The following PROC variants were observed in gnomAD, a reference collection of about 807,000 sequenced individuals.
PROC encodes protein C, inactivator of coagulation factors Va and VIIIa, also known as vitamin K-dependent protein C.
In PROC, 22 loss-of-function variants were observed where a neutral mutation model predicts 36.3. The observed-to-expected ratio is 0.61, with a 90% confidence interval of 0.43 to 0.86. The LOEUF is 0.86. PROC is among the 40% of genes least tolerant of loss of function. The pLI is 0.00. For missense variants in PROC, 526 were observed against 629.7 expected (o/e 0.84, Z 1.76); for synonymous variants, 218 against 244.5 (o/e 0.89, Z 1.01).
At chr2:127,422,713 G>A (rs1201023265) in intron 3 of PROC, among the ~76,000 whole-genome samples, 2 of 152,008 alleles carry the variant, frequency 1.3e-5, no homozygotes, top group African/African-American at 4.8e-5. Flanking sequence ...TGGGATGGAG[G>A]CTGGGCGCGG....
Position 127,421,159 on chromosome 2 carries a change from T to A in PROC, c.71-124T>A, listed in dbSNP as rs1688066827. 13 of 975,946 alleles carry A rather than the reference T, an allele frequency of 1.3e-5. No individual in the cohort carries two copies. The South Asian group carries it at 1.9e-4, about 14-fold the overall frequency. The allele number at this position is 975,946 out of a possible 1,614,324, so 60.5% of individuals were successfully genotyped here. On this transcript the variant is annotated intron_variant, in intron 2 of 8. Transcript: ENST00000234071. Reference sequence around the variant, plus strand: ...AGCCATGACCTAGAATTAGAATGAGTCTTGAGGGGGCGGAGACAAGACCTT... The same window carrying A: ...AGCCATGACCTAGAATTAGAATGAGACTTGAGGGGGCGGAGACAAGACCTT...
intron 3 of PROC, among the ~76,000 whole-genome samples, chr2:127,422,069 C>T (rs1022683417): frequency 1.3e-5 from 2 of 152,194 alleles, no homozygotes; most frequent in African/African-American, 4.8e-5. Context: ...GCTTCAGCCA[C>T]TAGGACCTGA....
At position 127,418,447 on chromosome 2, in the gene PROC, A is replaced by G. The variant is rs865940459; in HGVS notation, c.-67A>G. On this transcript the variant is annotated 5_prime_UTR_variant, in exon 1 of 9. It removes an upstream start codon present in the reference 5' UTR. Transcript: ENST00000234071. The surrounding 1 kb of genome is among the most constrained non-coding windows in gnomAD (Gnocchi z 4.8). ...GGATTAACTCGAACTCCAGGCTGTC[A>G]TGGCGGCAGGACGGCGAACTTGCAG... The G allele has an allele frequency of 3.1e-6, 4 of 1,289,818 alleles. No individual in the cohort carries two copies. Among genetic ancestry groups the G allele is most frequent in the Middle Eastern group, 2.1e-4 (1 of 4,696 alleles). The allele number at this position is 1,289,818 out of a possible 1,614,324, so 79.9% of individuals were successfully genotyped here.
At position 127,426,264 on chromosome 2, in the gene PROC, G is replaced by T; in HGVS notation, c.678+37G>T. 6.2e-7 allele frequency: 1 copy of T among 1,613,592 alleles called. No individual in the cohort carries two copies. Among genetic ancestry groups the T allele is most frequent in the Non-Finnish European group, 8.5e-7 (1 of 1,179,882 alleles). ...GGCAGCACCGGCTGCTCACGTGCTGGGTCCGGGATCACTGAGTCCATCCTG... is the reference window on the plus strand; with the variant it reads ...GGCAGCACCGGCTGCTCACGTGCTGTGTCCGGGATCACTGAGTCCATCCTG... On this transcript the variant is annotated intron_variant, in intron 7 of 8. Transcript: ENST00000234071. This position sits in a 1 kb window ranked among gnomAD's most constrained non-coding sequence, Gnocchi z 7.0.
chr2:127,422,891 C>G (rs1422186419), intron 3 of PROC, 26 bp from the exon 4 acceptor site: 3 of 1,552,378 alleles, frequency 1.9e-6, no homozygotes, highest in Admixed American at 2.0e-5. Flanking sequence ...GCTGCAGGAG[C>G]CTGACGCTGC....
intron 6 of PROC, 158 bp downstream of exon 6, chr2:127,423,566 G>A (rs1356882256): frequency 1.3e-5 from 13 of 975,314 alleles, no homozygotes; most frequent in Non-Finnish European, 1.9e-5. Flanking sequence ...CCCAACACCG[G>A]GGCCACTGTT....
rs1370099703 is a variant in PROC at position 127,421,400 on chromosome 2, T to A, written c.188T>A (p.Ile63Asn). The change falls in exon 3 of 9, where the codon ATC (isoleucine) becomes AAC (asparagine). Residue 63 changes from isoleucine to asparagine, a missense_variant. Transcript: ENST00000234071. Reference protein sequence around the residue: ...SSLERECIEEICDFEEAKEIF... With the variant: ...SSLERECIEENCDFEEAKEIF... ...CTGGAGCGGGAGTGCATAGAGGAGATCTGTGACTTCGAGGAGGCCAAGGAA... is the reference window on the plus strand; with the variant it reads ...CTGGAGCGGGAGTGCATAGAGGAGAACTGTGACTTCGAGGAGGCCAAGGAA... 1.2e-6 allele frequency: 2 copies of A among 1,613,874 alleles called. No homozygotes were observed. The highest frequency in any genetic ancestry group is 2.2e-5 in the South Asian group (2 of 91,082).
intron 6 of PROC, among the ~76,000 whole-genome samples, chr2:127,425,015 G>A (rs574291863): frequency 6.6e-6 from 1 of 152,344 alleles, no homozygotes; most frequent in South Asian, 2.1e-4. Flanking sequence ...ACTCCTTCCT[G>A]AAGCGGGGCC....
Position 127,421,382 on chromosome 2 carries a change from G to T in PROC, c.170G>T (p.Arg57Leu), listed in dbSNP as rs574949343. ...GAGCTCCGTCACAGCAGCCTGGAGCGGGAGTGCATAGAGGAGATCTGTGAC... is the reference window on the plus strand; with the variant it reads ...GAGCTCCGTCACAGCAGCCTGGAGCTGGAGTGCATAGAGGAGATCTGTGAC... ...LEELRHSSLE[R>L]ECIEEICDFE... The change falls in exon 3 of 9, where the codon CGG (arginine) becomes CTG (leucine). Residue 57 changes from arginine to leucine, a missense_variant. Coordinates refer to ENST00000234071, the MANE Select transcript of PROC (RefSeq NM_000312.4). 6.2e-7 allele frequency: 1 copy of T among 1,613,816 alleles called. No individual in the cohort carries two copies. Among genetic ancestry groups the T allele is most frequent in the Non-Finnish European group, 8.5e-7 (1 of 1,179,950 alleles).
intron 6 of PROC, 183 bp downstream of exon 6, chr2:127,423,591 G>T: frequency 1.3e-6 from 1 of 772,174 alleles, no homozygotes; most frequent in Non-Finnish European, 1.9e-6. Flanking sequence ...CAATCAGCCC[G>T]GGAGCTGGGC....
At chr2:127,419,227 G>A (rs371541089) in intron 1 of PROC, among the ~76,000 whole-genome samples, 2 of 152,228 alleles carry the variant, frequency 1.3e-5, no homozygotes, top group African/African-American at 4.8e-5. Context: ...TAACTCCTCC[G>A]AGTCTCAGTT....
At chr2:127,425,003 CCA>C (rs1200691105) in intron 6 of PROC, among the ~76,000 whole-genome samples, 1 of 152,230 alleles carries the variant, frequency 6.6e-6, no homozygotes, top group African/African-American at 2.4e-5. Flanking sequence ...GCTAAGAGCA[CCA>C]CTCCTTCCTG....
chr2:127,428,333 C>CT, intron 8 of PROC, 24 bp from the exon 9 acceptor site: 2 of 1,611,136 alleles, frequency 1.2e-6, no homozygotes, highest in Non-Finnish European at 1.7e-6. Flanking sequence ...GCAGCCCACT[C>CT]TGACTGTGCC....
In PROC at chr2:127,429,102, A is replaced by C; in HGVS notation, c.*156A>C. 1 of 804,678 alleles carries C rather than the reference A, an allele frequency of 1.2e-6. No individual in the cohort carries two copies. The highest frequency in any genetic ancestry group is 2.0e-6 in the Non-Finnish European group (1 of 502,708). The allele number at this position is 804,678 out of a possible 1,614,324, so 49.8% of individuals were successfully genotyped here. A position where few individuals can be genotyped will look rare whatever the true frequency, so the allele number is the denominator to read the frequency against. On this transcript the variant is annotated 3_prime_UTR_variant, in exon 9 of 9. Transcript: ENST00000234071. ...TTACTGAGCACCTGTTGTATGTCAC[A>C]TGCCTTATGAATAGAATCTTAACTC...
chr2:127,419,212 C>T (rs771367143), intron 1 of PROC, among the ~76,000 whole-genome samples: 11 of 152,178 alleles, frequency 7.2e-5, no homozygotes, highest in Non-Finnish European at 1.5e-4. Context: ...TTTTAATAAA[C>T]CACTTAACTC....
chr2:127,426,506 G>A lies in PROC; in HGVS notation c.678+279G>A, dbSNP rs560151469. ...GCTGGAAAGACACTGCTCTGCTGGC[G>A]GGATTTTAGGCAGAAGCCCTGCTGA... On this transcript the variant is annotated intron_variant, in intron 7 of 8. Transcript: ENST00000234071. The surrounding 1 kb of genome is among the most constrained non-coding windows in gnomAD (Gnocchi z 7.0). 23 of 491,864 alleles carry A rather than the reference G, an allele frequency of 4.7e-5. No individual in the cohort carries two copies. The highest frequency in any genetic ancestry group is 1.6e-4 in the African/African-American group (8 of 51,482). 30.5% of individuals were successfully genotyped at this position (491,864 alleles called of 1,614,324 possible). A position where few individuals can be genotyped will look rare whatever the true frequency, so the allele number is the denominator to read the frequency against.
In PROC at chr2:127,428,315, G is replaced by A. The variant is rs571935047; in HGVS notation, c.797-42G>A. On this transcript the variant is annotated intron_variant, in intron 8 of 8. Coordinates refer to ENST00000234071, the MANE Select transcript of PROC (RefSeq NM_000312.4). ...CCTCAGGAAAGTGCCACTGGGGAGA[G>A]GCTCCCCGCAGCCCACTCTGACTGT... The A allele has an allele frequency of 2.9e-4, 455 of 1,590,356 alleles. 6 individuals are homozygous for A. The South Asian group carries it at 4.9e-3, about 17-fold the overall frequency.
chr2:127,426,369 C>G lies in PROC; in HGVS notation c.678+142C>G. On this transcript the variant is annotated intron_variant, in intron 7 of 8. Transcript: ENST00000234071. The surrounding 1 kb of genome is among the most constrained non-coding windows in gnomAD (Gnocchi z 7.0). ...GGGATGATGAAGGTGGGGGATGCTT[C>G]AGGGAAAGATGGACGCAACCTGAGG... 7.7e-7 allele frequency: 1 copy of G among 1,299,610 alleles called. No homozygotes were observed. The highest frequency in any genetic ancestry group is 1.1e-6 in the Non-Finnish European group (1 of 931,126). 80.5% of individuals were successfully genotyped at this position (1,299,610 alleles called of 1,614,324 possible).
At position 127,427,215 on chromosome 2, in the gene PROC, C is replaced by T. The variant is rs1688564435; in HGVS notation, c.789C>T (p.Val263=). The T allele has an allele frequency of 6.2e-7, 1 of 1,612,538 alleles. No homozygotes were observed. The stretch of plus-strand genomic sequence containing the variant: ...TGGATGAGTCCAAGAAGCTCCTTGT[C>T]AGGCTTGGTATGGGCTGGAGCCAGG... ...HCMDESKKLL[V]RLGEYDLRRW... Residue 263 remains valine (V), a synonymous_variant, in exon 8 of 9, where the codon GTC becomes GTT. Transcript: ENST00000234071.
Sources: gnomAD v4.1 joint callset for allele counts (sites outside exome capture counted in the v4.1 genomes callset) on GRCh38, gnomAD v4.1.1 for gene constraint, Gnocchi (gnomAD v3.1) non-coding constraint, MANE v1.5 for transcripts, NCBI Gene and HGNC (gene_info 2026-07-23, HGNC 2026-07-21) for gene names.